Variants in PCDH9 observed in about 807,000 individuals in gnomAD.
PCDH9 encodes the protein protocadherin-9.
PCDH9 carries 24 observed loss-of-function variants against 70.6 expected under a neutral mutation model. The observed-to-expected ratio is 0.34, with a 90% CI of 0.25 to 0.48. The LOEUF (loss-of-function observed/expected upper bound fraction) is 0.48, where lower values mean the gene tolerates loss of function less well. PCDH9 is among the 20% of genes least tolerant of loss of function. The pLI is 0.99. For missense variants in PCDH9, 1,281 were observed against 1,503.6 expected, an observed-to-expected ratio of 0.85 and a Z score of 2.45; for synonymous variants, 562 against 558.5, an observed-to-expected ratio of 1.01 and a Z score of -0.09.
intron 3 of PCDH9, among the ~76,000 whole-genome samples, chr13:66,768,926 C>T (rs186753798): frequency 2.0e-5 from 3 of 151,830 alleles, no homozygotes; most frequent in South Asian, 2.1e-4. Context: ...AAGAAAAGCC[C>T]GTTAACTCTA....
At chr13:66,539,283 A>G (rs1465919327) in intron 4 of PCDH9, among the ~76,000 whole-genome samples, 1 of 152,032 alleles carries the variant, frequency 6.6e-6, no homozygotes. Flanking sequence ...ACATCTTGAT[A>G]TGGTTTGGCT....
chr13:66,680,087 G>A (rs900974308), intron 3 of PCDH9, among the ~76,000 whole-genome samples: 2 of 151,786 alleles, frequency 1.3e-5, no homozygotes, highest in Admixed American at 1.3e-4. Context: ...GATTCCTTTG[G>A]CAATATTTAT....
intron 4 of PCDH9, among the ~76,000 whole-genome samples, chr13:66,472,399 A>C (rs961867289): frequency 6.6e-6 from 1 of 151,796 alleles, no homozygotes; most frequent in Admixed American, 6.6e-5. Context: ...GCAAAACCTC[A>C]TCTCTACAAA....
At chr13:67,098,071 C>A (rs1161353314) in intron 2 of PCDH9, among the ~76,000 whole-genome samples, 1 of 151,942 alleles carries the variant, frequency 6.6e-6, no homozygotes, top group Non-Finnish European at 1.5e-5. Flanking sequence ...AATTTCTGAC[C>A]CTGAAGTATA....
intron 4 of PCDH9, among the ~76,000 whole-genome samples, chr13:66,590,770 T>C (rs1055314364): frequency 6.6e-6 from 1 of 151,902 alleles, no homozygotes; most frequent in Non-Finnish European, 1.5e-5. Context: ...AAAGAGTAAG[T>C]GCACGTCTTT....
intron 3 of PCDH9, among the ~76,000 whole-genome samples, chr13:66,674,694 A>G (rs1021304126): frequency 6.6e-6 from 1 of 152,096 alleles, no homozygotes; most frequent in African/African-American, 2.4e-5. Flanking sequence ...GCAATTGTTG[A>G]TATTTAAGTT....
At chr13:66,465,135 A>G (rs1958495010) in intron 4 of PCDH9, among the ~76,000 whole-genome samples, 1 of 151,932 alleles carries the variant, frequency 6.6e-6, no homozygotes, top group Non-Finnish European at 1.5e-5. Flanking sequence ...GTGATTTAAT[A>G]GCAAGAAGGA....
intron 2 of PCDH9, among the ~76,000 whole-genome samples, chr13:66,966,027 G>T (rs553194191): frequency 1.3e-5 from 2 of 151,936 alleles, no homozygotes; most frequent in Non-Finnish European, 2.9e-5. Flanking sequence ...ACTAATTTAC[G>T]ATATACATGA....
intron 3 of PCDH9, among the ~76,000 whole-genome samples, chr13:66,762,216 G>A (rs1038126704): frequency 6.6e-6 from 1 of 152,064 alleles, no homozygotes; most frequent in African/African-American, 2.4e-5. Flanking sequence ...TTCAGCCCAT[G>A]GCTGCTAAAG....
chr13:66,617,845 G>A (rs2077375776), intron 4 of PCDH9, among the ~76,000 whole-genome samples: 1 of 151,922 alleles, frequency 6.6e-6, no homozygotes, highest in African/African-American at 2.4e-5. Flanking sequence ...AGCCCCTGAG[G>A]GACCTCAGAC....
chr13:66,600,429 T>C (rs1278949173), intron 4 of PCDH9, among the ~76,000 whole-genome samples: 1 of 151,922 alleles, frequency 6.6e-6, no homozygotes, highest in Non-Finnish European at 1.5e-5. Context: ...CTAGTATTAT[T>C]TTCATTGACT....
At chr13:66,717,911 T>A (rs1042218477) in intron 3 of PCDH9, among the ~76,000 whole-genome samples, 5 of 152,188 alleles carry the variant, frequency 3.3e-5, no homozygotes, top group African/African-American at 9.7e-5. Context: ...AAGACAGAGA[T>A]CATTTTGGTA....
chr13:66,812,445 T>C (rs536163317), intron 3 of PCDH9, among the ~76,000 whole-genome samples: 1 of 152,220 alleles, frequency 6.6e-6, no homozygotes, highest in Non-Finnish European at 1.5e-5. Context: ...TAGACACTGA[T>C]AAATCACTAT....
chr13:66,950,662 G>C (rs1162926635), intron 2 of PCDH9, among the ~76,000 whole-genome samples: 1 of 151,942 alleles, frequency 6.6e-6, no homozygotes, highest in East Asian at 1.9e-4. Context: ...AAATAAAACA[G>C]GTGACCATAG....
intron 2 of PCDH9, among the ~76,000 whole-genome samples, chr13:67,029,279 A>AATAT (rs1434284913): frequency 2.0e-5 from 3 of 152,178 alleles, no homozygotes; most frequent in African/African-American, 4.8e-5. Flanking sequence ...GTATGAGAAA[A>AATAT]ATATAATGTG....
At chr13:67,030,688 T>G (rs2084888121) in intron 2 of PCDH9, among the ~76,000 whole-genome samples, 1 of 152,214 alleles carries the variant, frequency 6.6e-6, no homozygotes, top group Non-Finnish European at 1.5e-5. Flanking sequence ...AGAGATTTGC[T>G]TTCTATATCT....
chr13:66,333,903 T>G (rs1332540097), intron 4 of PCDH9, among the ~76,000 whole-genome samples: 1 of 151,930 alleles, frequency 6.6e-6, no homozygotes, highest in Non-Finnish European at 1.5e-5. Context: ...CAGATGAAAT[T>G]AACCTTTAAA....
chr13:67,037,965 T>A (rs1334648793), intron 2 of PCDH9, among the ~76,000 whole-genome samples: 1 of 151,996 alleles, frequency 6.6e-6, no homozygotes, highest in East Asian at 1.9e-4. Context: ...AATAAAAATA[T>A]CAGAATACTG....
At chr13:66,856,576 C>T (rs550775336) in intron 3 of PCDH9, among the ~76,000 whole-genome samples, 84 of 151,966 alleles carry the variant, frequency 5.5e-4, no homozygotes, top group Non-Finnish European at 8.5e-4. Flanking sequence ...TCTCATTATC[C>T]TTCCTCTGAA....
Sources: allele counts gnomAD v4.1 joint callset (sites outside exome capture counted in the v4.1 genomes callset), GRCh38; gene constraint gnomAD v4.1.1; transcripts MANE v1.5; gene names NCBI Gene and HGNC (gene_info 2026-07-23, HGNC 2026-07-21).